The following ADAM33 variants were observed in gnomAD, a reference collection of about 807,000 sequenced individuals.
ADAM33 encodes the protein ADAM metallopeptidase domain 33.
A neutral mutation model predicts 106.2 loss-of-function variants in ADAM33; 103 were observed. That is an observed-to-expected ratio of 0.97 (90% CI 0.83 to 1.14). The LOEUF is 1.14. Ranked by LOEUF, ADAM33 falls within the 50% of genes most tolerant of loss-of-function variation. The pLI, the probability that ADAM33 is intolerant of heterozygous loss-of-function variation, is 0.00. For missense variants in ADAM33, 1,120 were observed against 1,096.6 expected, an observed-to-expected ratio of 1.02 and a Z score of -0.30; for synonymous variants, 483 against 453.0, an observed-to-expected ratio of 1.07 and a Z score of -0.84.
chr20:3,669,048 C>T, intron 21 of ADAM33, 48 bp from the exon 22 acceptor site: 1 of 1,602,960 alleles, frequency 6.2e-7, no homozygotes. Context: ...GGGCCCCAGG[C>T]TGCAAGCTGT....
chr20:3,674,816 A>T lies in ADAM33; in HGVS notation c.367T>A (p.Phe123Ile). Residue 123 changes from phenylalanine (F) to isoleucine (I), a missense_variant, in exon 5 of 22, where the codon TTC (phenylalanine) becomes ATC (isoleucine). Physicochemically the swap from Phe to Ile is conservative, Grantham distance 21. Coordinates refer to ENST00000356518, the MANE Select transcript of ADAM33 (RefSeq NM_025220.5). ...CAGAGGACTACCCAGGAGTCGGGGAAGCCCCTTACTCGCCCTTGGTAGTGG... is the reference window on the plus strand; with the variant it reads ...CAGAGGACTACCCAGGAGTCGGGGATGCCCCTTACTCGCCCTTGGTAGTGG... ...HCHYQGRVRG[F>I]PDSWVVLCTC... 1 of 1,611,460 alleles carries T rather than the reference A, an allele frequency of 6.2e-7. No homozygotes were observed. The highest frequency in any genetic ancestry group is 8.5e-7 in the Non-Finnish European group (1 of 1,178,574).
At position 3,674,591 on chromosome 20, in the gene ADAM33, C is replaced by T; in HGVS notation, c.513G>A (p.Gln171=). The part of the protein sequence containing the change: ...FSTHEIFRME[Q]LLTWKGTCGH... ...CACAGGTTCCTTTCCAGGTGAGCAG[C>T]TGCTCCATCCGAAAGATCTCGTGGG... is the stretch of plus-strand genomic sequence containing the variant. Residue 171 remains glutamine, a synonymous_variant, in exon 6 of 22, where the codon CAG becomes CAA. Coordinates refer to ENST00000356518, the MANE Select transcript of ADAM33 (RefSeq NM_025220.5). The T allele has an allele frequency of 6.2e-7, 1 of 1,613,374 alleles. No individual in the cohort carries two copies. Among genetic ancestry groups the T allele is most frequent in the Admixed American group, 1.7e-5 (1 of 59,836 alleles).
In ADAM33 at chr20:3,668,995, G is replaced by C. The variant is rs201565525; in HGVS notation, c.2410C>G (p.Gln804Glu). The change falls in exon 22 of 22, where the codon CAA becomes GAA. Residue 804 changes from glutamine (Q) to glutamate (E), a missense_variant. Physicochemically the swap from Gln to Glu is conservative, Grantham distance 29. Coordinates refer to ENST00000356518, the MANE Select transcript of ADAM33 (RefSeq NM_025220.5). ...AGGCAGGATCTTGGCATCTGGACTT[G>C]ATCTGCTGAGAATGAGGAGGATATG... The part of the protein sequence containing the change: ...PAVSPDPQAD[Q>E]VQMPRSCLW 1 of 1,613,782 alleles carries C rather than the reference G, an allele frequency of 6.2e-7. No homozygotes were observed. The highest frequency in any genetic ancestry group is 2.2e-5 in the East Asian group (1 of 44,848).
intron 19 of ADAM33, chr20:3,669,854 A>C (rs927643002): frequency 6.1e-6 from 4 of 656,238 alleles, no homozygotes; most frequent in Admixed American, 4.3e-5. Flanking sequence ...CTCGGCTGGC[A>C]CCTCCTCTCT....
chr20:3,672,103 G>T (rs73076686), intron 14 of ADAM33, 31 bp downstream of exon 14: 42 of 1,599,138 alleles, frequency 2.6e-5, no homozygotes, highest in Non-Finnish European at 3.4e-5. Flanking sequence ...AGGATGGGGG[G>T]CAGGGTGCAA....
intron 1 of ADAM33, among the ~76,000 whole-genome samples, chr20:3,681,187 G>A (rs1322264186): frequency 1.3e-5 from 2 of 152,202 alleles, no homozygotes; most frequent in Non-Finnish European, 2.9e-5. Context: ...TGCTGTGCAG[G>A]ACTGGCTAAT....
chr20:3,671,751 G>C lies in ADAM33; in HGVS notation c.1735C>G (p.Gln579Glu), dbSNP rs41423749. ...GCGAGCAGGCTGGGCTTTCCACCCT[G>C]GCACTGCAGCTTCCCACACAGGGCA... ...RDALCGKLQC[Q>E]GGKPSLLAPH... Residue 579 changes from glutamine (Q) to glutamate (E), a missense_variant, in exon 16 of 22, where the codon CAG (glutamine) becomes GAG (glutamate). Transcript: ENST00000356518. The C allele has an allele frequency of 6.4e-7, 1 of 1,573,682 alleles. No individual in the cohort carries two copies. Among genetic ancestry groups the C allele is most frequent in the Non-Finnish European group, 8.6e-7 (1 of 1,159,216 alleles).
In ADAM33 at chr20:3,672,860, C is replaced by T. The variant is rs1404804728; in HGVS notation, c.1172G>A (p.Arg391His). The T allele has an allele frequency of 6.3e-7, 1 of 1,577,136 alleles. No homozygotes were observed. Among genetic ancestry groups the T allele is most frequent in the Non-Finnish European group, 8.5e-7 (1 of 1,169,738 alleles). ...FPRVFSACSR[R>H]QLRAFFRKGG... Reference sequence around the variant, plus strand: ...CTTGCGGAAGAAGGCGCGCAGCTGGCGGCGGCTGCAGGCGCTGAACACGCG... The same window carrying T: ...CTTGCGGAAGAAGGCGCGCAGCTGGTGGCGGCTGCAGGCGCTGAACACGCG... Residue 391 changes from arginine to histidine, a missense_variant, in exon 12 of 22, where the codon CGC becomes CAC. Physicochemically the swap from Arg to His is conservative, Grantham distance 29 (BLOSUM62 0). Coordinates refer to ENST00000356518, the MANE Select transcript of ADAM33 (RefSeq NM_025220.5).
Position 3,681,900 on chromosome 20 carries a change from G to T in ADAM33, c.97+8C>A. The stretch of plus-strand genomic sequence containing the variant: ...GCCCCTCAGGGCGCACCCCGCCCGC[G>T]TCCTCACCTTGAAGCACCCCGGCGC... On this transcript the variant is annotated splice_region_variant and intron_variant, in intron 1 of 21. Transcript: ENST00000356518. 4 of 1,594,466 alleles carry T rather than the reference G, an allele frequency of 2.5e-6. No individual in the cohort carries two copies. Among genetic ancestry groups the T allele is most frequent in the Non-Finnish European group, 2.6e-6 (3 of 1,171,710 alleles).
At chr20:3,669,394 ATGT>A (rs750093123) in intron 20 of ADAM33, 24 bp from the exon 21 acceptor site, 8 of 1,595,246 alleles carry the variant, frequency 5.0e-6, no homozygotes, top group Admixed American at 1.8e-5. Context: ...TGGAGGGTAA[ATGT>A]TGTGAATATG....
In ADAM33 at chr20:3,671,226, C is replaced by G; in HGVS notation, c.2092+11G>C. 6.2e-7 allele frequency: 1 copy of G among 1,613,434 alleles called. No individual in the cohort carries two copies. The highest frequency in any genetic ancestry group is 8.5e-7 in the Non-Finnish European group (1 of 1,179,598). On this transcript the variant is annotated intron_variant, in intron 18 of 21. Coordinates refer to ENST00000356518, the MANE Select transcript of ADAM33 (RefSeq NM_025220.5). ...CCCCAGCTCCTGCCCACATGCCCCC[C>G]ACTGGCATACTTTCAGCCTGCACAG...
At chr20:3,676,941 C>T in intron 3 of ADAM33, 126 bp downstream of exon 3, 2 of 1,003,520 alleles carry the variant, frequency 2.0e-6, no homozygotes, top group Middle Eastern at 2.2e-4. Context: ...GCCTGCGTGA[C>T]TCTCCCTGTC....
chr20:3,670,432 GTAT>G lies in ADAM33; in HGVS notation c.2240+571_2240+573del, dbSNP rs1302925996. The G allele has an allele frequency of 8.0e-5, 13 of 161,912 alleles. No individual in the cohort carries two copies. In the East Asian group the frequency reaches 2.3e-3, roughly 29 times the overall value. The allele number at this position is 161,912 out of a possible 1,614,324, so 10.0% of individuals were successfully genotyped here. On this transcript the variant is annotated intron_variant, in intron 19 of 21. Coordinates refer to ENST00000356518, the MANE Select transcript of ADAM33 (RefSeq NM_025220.5). ...GTGAGTCCTAGGACAGCCATGCTTA[GTAT>G]TATGTGACTCCCCACTCCGCCACCA...
chr20:3,673,498 T>TG lies in ADAM33; in HGVS notation c.991-3dup. On this transcript the variant is annotated splice_region_variant and splice_polypyrimidine_tract_variant and intron_variant, in intron 10 of 21. Coordinates refer to ENST00000356518, the MANE Select transcript of ADAM33 (RefSeq NM_025220.5). ...GCCGATGGGGAGCTCCGAGTGGTCC[T>TG]GGGGGGCCGTGGGAGGGCGGTCACT... 2.0e-6 allele frequency: 3 copies of TG among 1,487,388 alleles called. No individual in the cohort carries two copies. The highest frequency in any genetic ancestry group is 2.5e-5 in the East Asian group (1 of 40,378). The allele number at this position is 1,487,388 out of a possible 1,614,324, so 92.1% of individuals were successfully genotyped here. A position where few individuals can be genotyped will look rare whatever the true frequency, so the allele number is the denominator to read the frequency against.
chr20:3,680,784 T>C (rs1038581847), intron 1 of ADAM33, among the ~76,000 whole-genome samples: 5 of 152,158 alleles, frequency 3.3e-5, no homozygotes, highest in Admixed American at 2.0e-4. Context: ...GGGTGCAGTG[T>C]GGTGTGTGGG....
rs182031091 is a variant in ADAM33 at position 3,680,729 on chromosome 20, G to C, written c.98-1158C>G. On this transcript the variant is annotated intron_variant, in intron 1 of 21. Coordinates refer to ENST00000356518, the MANE Select transcript of ADAM33 (RefSeq NM_025220.5). Reference sequence around the variant, plus strand: ...AGCTTTGCTGCTCCTAGGCCTCTAAGGGTTTGGGGAAGAGGTAGGGTGGGC... The same window carrying C: ...AGCTTTGCTGCTCCTAGGCCTCTAACGGTTTGGGGAAGAGGTAGGGTGGGC... Among the ~76,000 whole-genome samples, 5 of 152,332 alleles carry C rather than the reference G, an allele frequency of 3.3e-5. No homozygotes were observed. The East Asian group carries it at 9.7e-4, about 29-fold the overall frequency.
At position 3,674,854 on chromosome 20, in the gene ADAM33, G is replaced by A; in HGVS notation, c.334-5C>T. On this transcript the variant is annotated splice_region_variant and splice_polypyrimidine_tract_variant and intron_variant, in intron 4 of 21. Transcript: ENST00000356518. ...CCCTTGGTAGTGGCAATGATCCTAG[G>A]GAGGAAGGGGCCAGCCCCAAATCTC... 2 of 1,609,760 alleles carry A rather than the reference G, an allele frequency of 1.2e-6. No individual in the cohort carries two copies. Among genetic ancestry groups the A allele is most frequent in the Non-Finnish European group, 1.7e-6 (2 of 1,177,616 alleles).
chr20:3,670,081 CA>C (rs971126126), intron 19 of ADAM33: 2 of 270,088 alleles, frequency 7.4e-6, no homozygotes, highest in South Asian at 4.6e-5. Flanking sequence ...GATGTTCCTT[CA>C]AAACATTCTC....
chr20:3,681,802 C>T (rs2088522874), intron 1 of ADAM33, 106 bp downstream of exon 1: 8 of 1,437,806 alleles, frequency 5.6e-6, no homozygotes, highest in Non-Finnish European at 7.3e-6. Context: ...GGTGCCGGGG[C>T]CGTGAGACCC....
Sources: gnomAD v4.1 joint callset for allele counts (sites outside exome capture counted in the v4.1 genomes callset) on GRCh38, gnomAD v4.1.1 for gene constraint, MANE v1.5 for transcripts, NCBI Gene and HGNC (gene_info 2026-07-23, HGNC 2026-07-21) for gene names.